The following DPY19L1 variants were observed in gnomAD, a reference collection of about 807,000 sequenced individuals.
The protein encoded by DPY19L1 is dpy-19 like C-mannosyltransferase 1.
Under a neutral mutation model 96.9 loss-of-function variants are expected in DPY19L1, and 35 were observed. The observed-to-expected ratio is 0.36, with a 90% CI of 0.28 to 0.48. The LOEUF (loss-of-function observed/expected upper bound fraction) is 0.48, where lower values mean the gene tolerates loss of function less well. DPY19L1 is among the 20% of genes least tolerant of loss of function. The probability of loss-of-function intolerance (pLI) is 0.99; values close to 1 mark genes in which losing one functional copy is unlikely to be tolerated. For missense variants in DPY19L1, 521 were observed against 777.9 expected (o/e 0.67, Z 3.93); for synonymous variants, 205 against 252.6 (o/e 0.81, Z 1.79).
At chr7:35,032,805 T>C (rs937407890) in intron 1 of DPY19L1, among the ~76,000 whole-genome samples, 1 of 152,082 alleles carries the variant, frequency 6.6e-6, no homozygotes, top group Non-Finnish European at 1.5e-5. Context: ...AAAGTATTCA[T>C]AACTCCTTCC....
At chr7:34,944,452 C>G (rs1289669678) in intron 16 of DPY19L1, among the ~76,000 whole-genome samples, 1 of 151,016 alleles carries the variant, frequency 6.6e-6, no homozygotes, top group East Asian at 1.9e-4. Context: ...CAAAATCCCA[C>G]AAAAGAATAA....
Position 34,947,428 on chromosome 7 carries a change from T to C in DPY19L1, c.1494+202A>G, listed in dbSNP as rs1784172162. Among the ~76,000 whole-genome samples, 5 of 152,356 alleles carry C rather than the reference T, an allele frequency of 3.3e-5. No individual in the cohort carries two copies. The South Asian group carries it at 8.3e-4, about 25-fold the overall frequency. ...CGGAACTTGAGCCATCCTTTTCTGATGTCTGTTTTATGCTAGCAGATAGAA... is the reference window on the plus strand; with the variant it reads ...CGGAACTTGAGCCATCCTTTTCTGACGTCTGTTTTATGCTAGCAGATAGAA... On this transcript the variant is annotated intron_variant, in intron 15 of 21. Transcript: ENST00000638088.
intron 11 of DPY19L1, among the ~76,000 whole-genome samples, chr7:34,956,052 C>T (rs1291225755): frequency 6.6e-6 from 1 of 151,956 alleles, no homozygotes; most frequent in Admixed American, 6.6e-5. Context: ...TTTTATACAC[C>T]AAAATATATG....
In DPY19L1 at chr7:35,012,468, T is replaced by C. The variant is rs184901455; in HGVS notation, c.550-1018A>G. On this transcript the variant is annotated intron_variant, in intron 4 of 21. Coordinates refer to ENST00000638088, the MANE Select transcript of DPY19L1 (RefSeq NM_001366673.1). ...CAAAATCCAGAAACACGTGCAAGCATGTATGTATAATAATTTTGCATATAA... is the reference window on the plus strand; with the variant it reads ...CAAAATCCAGAAACACGTGCAAGCACGTATGTATAATAATTTTGCATATAA... Among the ~76,000 whole-genome samples, 15 of 152,292 alleles carry C rather than the reference T, an allele frequency of 9.8e-5. No individual in the cohort carries two copies. The East Asian group carries it at 2.9e-3, about 29-fold the overall frequency.
chr7:34,995,480 G>A (rs181301042), intron 6 of DPY19L1, among the ~76,000 whole-genome samples: 1 of 151,964 alleles, frequency 6.6e-6, no homozygotes. Flanking sequence ...AAAATGAAGG[G>A]ATAATAAAAA....
chr7:34,941,962 G>A lies in DPY19L1; in HGVS notation c.1570-78C>T. On this transcript the variant is annotated intron_variant, in intron 17 of 21. Coordinates refer to ENST00000638088, the MANE Select transcript of DPY19L1 (RefSeq NM_001366673.1). ...ATACTAAACTGGCAATATGCAGAAA[G>A]GGGTACGTTCTCCTTAGTAACAAAA... 3.5e-6 allele frequency: 5 copies of A among 1,448,340 alleles called. No individual in the cohort carries two copies. In the South Asian group the frequency reaches 6.9e-5, roughly 20 times the overall value. The allele number at this position is 1,448,340 out of a possible 1,614,324, so 89.7% of individuals were successfully genotyped here.
intron 21 of DPY19L1, among the ~76,000 whole-genome samples, chr7:34,934,471 A>C (rs1783823788): frequency 6.6e-6 from 1 of 152,210 alleles, no homozygotes; most frequent in African/African-American, 2.4e-5. Context: ...ACAGACAGAT[A>C]CTTTAATTGT....
chr7:35,015,685 T>G (rs1354713715), intron 3 of DPY19L1, among the ~76,000 whole-genome samples: 2 of 152,162 alleles, frequency 1.3e-5, no homozygotes, highest in African/African-American at 4.8e-5. Context: ...TTAAAAACAA[T>G]CAACCAGCAG....
At chr7:34,934,518 A>T (rs1294419034) in intron 21 of DPY19L1, among the ~76,000 whole-genome samples, 2 of 152,168 alleles carry the variant, frequency 1.3e-5, no homozygotes, top group Admixed American at 1.3e-4. Context: ...GCAGCTACAA[A>T]CAGTCTTGTG....
At position 35,011,399 on chromosome 7, in the gene DPY19L1, C is replaced by T; in HGVS notation, c.601G>A (p.Gly201Ser). 6.2e-7 allele frequency: 1 copy of T among 1,613,150 alleles called. No individual in the cohort carries two copies. Among genetic ancestry groups the T allele is most frequent in the Non-Finnish European group, 8.5e-7 (1 of 1,179,616 alleles). ...GTCCAACATATCTTGGTTTGAATAC[C>T]AATCAAGTCCATTATTTTGGTATAA... Reference protein sequence around the residue: ...RIYTKIMDLIGIQTKICWTVT... With the variant: ...RIYTKIMDLISIQTKICWTVT... Residue 201 changes from glycine (G) to serine (S), a missense_variant, in exon 5 of 22, where the codon GGT (glycine) becomes AGT (serine). Transcript: ENST00000638088.
Position 34,947,653 on chromosome 7 carries a change from C to T in DPY19L1, c.1471G>A (p.Val491Met), listed in dbSNP as rs760133159. The change falls in exon 15 of 22, where the codon GTG becomes ATG. Residue 491 changes from valine (V) to methionine (M), a missense_variant. Val to Met is a conservative substitution (Grantham distance 21). Coordinates refer to ENST00000638088, the MANE Select transcript of DPY19L1 (RefSeq NM_001366673.1). ...KTLLLPVVLV[V>M]FVAIVRKIIS... ...ACCTTTCTAACAATAGCAACAAACACTACAAGAACAACTGGAAGCAATAAT... is the reference window on the plus strand; with the variant it reads ...ACCTTTCTAACAATAGCAACAAACATTACAAGAACAACTGGAAGCAATAAT... 2 of 1,612,374 alleles carry T rather than the reference C, an allele frequency of 1.2e-6. No individual in the cohort carries two copies. The highest frequency in any genetic ancestry group is 1.7e-6 in the Non-Finnish European group (2 of 1,179,154).
intron 6 of DPY19L1, among the ~76,000 whole-genome samples, chr7:34,995,678 G>C (rs1785266552): frequency 6.6e-6 from 1 of 151,928 alleles, no homozygotes; most frequent in Non-Finnish European, 1.5e-5. Flanking sequence ...TTAAACTTTT[G>C]AAGAGAAAAA....
chr7:34,998,056 G>A (rs1444608783), intron 6 of DPY19L1, among the ~76,000 whole-genome samples: 3 of 152,080 alleles, frequency 2.0e-5, no homozygotes, highest in African/African-American at 4.8e-5. Context: ...AACATATCTA[G>A]AAATAAAGCA....
At chr7:35,006,168 T>G (rs1365539814) in intron 6 of DPY19L1, among the ~76,000 whole-genome samples, 4 of 152,234 alleles carry the variant, frequency 2.6e-5, no homozygotes, top group African/African-American at 9.6e-5. Context: ...GTAAAATTTA[T>G]AATAAACTTT....
intron 10 of DPY19L1, among the ~76,000 whole-genome samples, chr7:34,959,929 A>ATATATATATATATAAATATATATATT (rs1562807023): frequency 5.4e-4 from 27 of 50,352 alleles, no homozygotes; most frequent in Admixed American, 2.1e-3. Context: ...ATATATTTAT[A>ATATATATATATATAAATATATATATT]TATATATATA....
At chr7:34,938,637 G>A (rs1222502039) in intron 20 of DPY19L1, among the ~76,000 whole-genome samples, 2 of 152,118 alleles carry the variant, frequency 1.3e-5, no homozygotes, top group African/African-American at 2.4e-5. Flanking sequence ...GCTTATTTGT[G>A]AATGTACATG....
At chr7:34,958,760 T>G (rs1170729971) in intron 10 of DPY19L1, among the ~76,000 whole-genome samples, 1 of 152,226 alleles carries the variant, frequency 6.6e-6, no homozygotes, top group African/African-American at 2.4e-5. Flanking sequence ...AACACTGTAT[T>G]ATTCTTTTAA....
At chr7:34,974,836 G>A (rs917181741) in intron 7 of DPY19L1, among the ~76,000 whole-genome samples, 3 of 152,092 alleles carry the variant, frequency 2.0e-5, no homozygotes, top group Admixed American at 6.6e-5. Flanking sequence ...TCATGTCTCT[G>A]TGTCATATTT....
intron 10 of DPY19L1, among the ~76,000 whole-genome samples, chr7:34,959,171 T>C (rs527964583): frequency 2.0e-5 from 3 of 152,248 alleles, no homozygotes; most frequent in Admixed American, 6.5e-5. Context: ...TGAGATAACA[T>C]CTCATGCCAG....
Sources: allele counts gnomAD v4.1 joint callset (sites outside exome capture counted in the v4.1 genomes callset), GRCh38; gene constraint gnomAD v4.1.1; transcripts MANE v1.5; gene names NCBI Gene and HGNC (gene_info 2026-07-23, HGNC 2026-07-21).